The following ENOX2 variants were observed in gnomAD, a reference collection of about 807,000 sequenced individuals.
ENOX2 encodes the protein ecto-NOX disulfide-thiol exchanger 2.
ENOX2 carries 36 observed loss-of-function variants against 45.0 expected under a neutral mutation model. That is an observed-to-expected ratio of 0.80 (90% CI 0.61 to 1.06). The LOEUF is 1.06. ENOX2 is among the 50% of genes least tolerant of loss of function. ENOX2 has a pLI of 0.00. For synonymous variants in ENOX2, 174 were observed against 152.3 expected (o/e 1.14, Z -1.05); for missense variants, 423 against 462.5 (o/e 0.91, Z 0.78).
intron 2 of ENOX2, among the ~76,000 whole-genome samples, chrX:130,837,023 T>C (rs1023240454): frequency 8.9e-6 from 1 of 111,824 alleles, no homozygotes; most frequent in Non-Finnish European, 1.9e-5. Flanking sequence ...TAACTGACAT[T>C]ATCACAGGGT....
At chrX:130,646,036 A>G in intron 10 of ENOX2, 1 of 564,791 alleles carries the variant, frequency 1.8e-6, no homozygotes, top group Non-Finnish European at 3.2e-6. Flanking sequence ...GGCTGCTGTA[A>G]CGTCAACGTC....
At chrX:130,703,669 A>G (rs2037963619) in intron 3 of ENOX2, among the ~76,000 whole-genome samples, 1 of 111,690 alleles carries the variant, frequency 9.0e-6, no homozygotes, top group African/African-American at 3.3e-5. Context: ...AAGAAAAAAC[A>G]TCCTAGGGCT....
chrX:130,857,917 AAT>A (rs775149050), intron 2 of ENOX2, among the ~76,000 whole-genome samples: 10 of 111,518 alleles, frequency 9.0e-5, no homozygotes, highest in African/African-American at 2.9e-4. Context: ...CAAATTTAAA[AAT>A]ATGTTAGATA....
intron 2 of ENOX2, among the ~76,000 whole-genome samples, chrX:130,883,989 C>A (rs778859932): frequency 8.9e-6 from 1 of 112,342 alleles, no homozygotes; most frequent in South Asian, 3.7e-4. Context: ...GAAAAAGGAA[C>A]ACAGTGAGGG....
intron 2 of ENOX2, among the ~76,000 whole-genome samples, chrX:130,874,956 G>T (rs12862492): frequency 0.02 from 2,176 of 111,499 alleles, 43 homozygotes; most frequent in Admixed American, 0.079. Flanking sequence ...TCAACTTGTT[G>T]TTCTTGGCTT....
At chrX:130,810,097 T>C (rs908714429) in intron 2 of ENOX2, among the ~76,000 whole-genome samples, 12 of 110,337 alleles carry the variant, frequency 1.1e-4, no homozygotes, top group African/African-American at 4.0e-4. Context: ...CCCAACCCCA[T>C]GCAGCACAGT....
chrX:130,886,296 T>C (rs2078901028), intron 2 of ENOX2, among the ~76,000 whole-genome samples: 1 of 112,678 alleles, frequency 8.9e-6, no homozygotes, highest in Non-Finnish European at 1.9e-5. Context: ...CGTAGGAGCA[T>C]AATATTTTAA....
intron 3 of ENOX2, among the ~76,000 whole-genome samples, chrX:130,704,769 C>T (rs924502377): frequency 8.9e-6 from 1 of 112,098 alleles, no homozygotes; most frequent in East Asian, 2.8e-4. Flanking sequence ...TTTGCCTCTT[C>T]CCCCTTAATC....
chrX:130,736,768 G>A lies in ENOX2; in HGVS notation c.-38-33514C>T, dbSNP rs771667539. Among the ~76,000 whole-genome samples the A allele has an allele frequency of 2.1e-4, 23 of 112,047 alleles. No homozygotes were observed. In the South Asian group the frequency reaches 8.3e-3, roughly 40 times the overall value. On this transcript the variant is annotated intron_variant, in intron 3 of 14. Transcript: ENST00000394363. The stretch of plus-strand genomic sequence containing the variant: ...TCTCTGTTCTCTTGGGTCAATGTGG[G>A]TAATATTAGTTGCTGCTCTCCAGAG...
At chrX:130,864,336 A>G (rs2078456879) in intron 2 of ENOX2, among the ~76,000 whole-genome samples, 1 of 110,597 alleles carries the variant, frequency 9.0e-6, no homozygotes, top group Admixed American at 9.7e-5. Context: ...TCTGCCAAGA[A>G]CCACCCGAGC....
intron 9 of ENOX2, among the ~76,000 whole-genome samples, chrX:130,664,590 C>T (rs951430326): frequency 8.9e-6 from 1 of 112,395 alleles, no homozygotes; most frequent in Non-Finnish European, 1.9e-5. Context: ...TCATCTCATC[C>T]TATAAGACTG....
chrX:130,821,597 C>T (rs1398209736), intron 2 of ENOX2, among the ~76,000 whole-genome samples: 3 of 82,925 alleles, frequency 3.6e-5, no homozygotes, highest in African/African-American at 1.4e-4. Context: ...TGCTAGATGA[C>T]GAGTTAGTGG....
chrX:130,736,800 C>A (rs755764371), intron 3 of ENOX2, among the ~76,000 whole-genome samples: 29 of 111,756 alleles, frequency 2.6e-4, no homozygotes, highest in Non-Finnish European at 4.9e-4. Context: ...AGAGTCAAGA[C>A]CAAAATGGCT....
chrX:130,663,613 C>CAATGTACTG (rs199652829), intron 9 of ENOX2, among the ~76,000 whole-genome samples: 1,415 of 109,571 alleles, frequency 0.013, 18 homozygotes, highest in Middle Eastern at 0.043. Context: ...TGCAAAAAGG[C>CAATGTACTG]AATGTACTGT....
At chrX:130,845,519 G>A (rs1302021255) in intron 2 of ENOX2, among the ~76,000 whole-genome samples, 2 of 112,564 alleles carry the variant, frequency 1.8e-5, no homozygotes, top group Non-Finnish European at 3.8e-5. Flanking sequence ...AGGCTGGAGT[G>A]CAATGGCGTG....
rs2077386036 is a variant in ENOX2 at position 130,811,381 on chromosome X, G to A, written c.-182-27691C>T. Among the ~76,000 whole-genome samples, 4 of 111,944 alleles carry A rather than the reference G, an allele frequency of 3.6e-5. No individual in the cohort carries two copies. In the South Asian group the frequency reaches 1.5e-3, roughly 42 times the overall value. ...CTTAGGCTCCAGGTTTATTCAAGTAGACTCAATCAACAGATACGCCACAGT... is the reference window on the plus strand; with the variant it reads ...CTTAGGCTCCAGGTTTATTCAAGTAAACTCAATCAACAGATACGCCACAGT... On this transcript the variant is annotated intron_variant, in intron 2 of 14. Coordinates refer to ENST00000394363, the MANE Select transcript of ENOX2 (RefSeq NM_006375.4).
At chrX:130,848,022 GTTGTTGTT>G (rs2078141300) in intron 2 of ENOX2, among the ~76,000 whole-genome samples, 1 of 111,762 alleles carries the variant, frequency 8.9e-6, no homozygotes, top group Admixed American at 9.5e-5. Context: ...GGGTTTTTTT[GTTGTTGTT>G]TTTGTTTTTG....
chrX:130,753,249 C>T (rs1228918062), intron 3 of ENOX2, among the ~76,000 whole-genome samples: 3 of 110,258 alleles, frequency 2.7e-5, no homozygotes, highest in Non-Finnish European at 5.7e-5. Flanking sequence ...TCTATCTCTT[C>T]TGTTTCAGTG....
chrX:130,662,325 T>C (rs762017524), intron 9 of ENOX2, among the ~76,000 whole-genome samples: 2 of 112,351 alleles, frequency 1.8e-5, no homozygotes, highest in Non-Finnish European at 3.8e-5. Flanking sequence ...TCCACATCCT[T>C]TCTCTCAGCA....
Sources: allele counts gnomAD v4.1 joint callset (sites outside exome capture counted in the v4.1 genomes callset), GRCh38; gene constraint gnomAD v4.1.1; transcripts MANE v1.5; gene names NCBI Gene and HGNC (gene_info 2026-07-23, HGNC 2026-07-21).